Variants in IARS1 observed in about 807,000 individuals in gnomAD.
IARS1 encodes the protein isoleucine--tRNA ligase, cytoplasmic.
IARS1 carries 124 observed loss-of-function variants against 168.2 expected under a neutral mutation model. That is an observed-to-expected ratio of 0.74 (90% CI 0.64 to 0.86). The LOEUF is 0.86. Ranked by LOEUF, IARS1 falls within the 40% of genes least tolerant of loss-of-function variation. The pLI, the probability that IARS1 is intolerant of heterozygous loss-of-function variation, is 0.00. For synonymous variants in IARS1, 532 were observed against 529.4 expected (o/e 1.00, Z -0.07); for missense variants, 1,452 against 1,515.8 (o/e 0.96, Z 0.70).
Position 92,242,330 on chromosome 9 carries a change from A to G in IARS1, c.3001T>C (p.Cys1001Arg). ...ATTTCATCAGTTGGAACCAGATTGC[A>G]CTGAAAACACACACAGAAAAATTTA... is the stretch of plus-strand genomic sequence containing the variant. ...INRIQKLRKK[C>R]NLVPTDEITV... The change falls in exon 29 of 34, where the codon TGC becomes CGC. Residue 1001 changes from cysteine to arginine, a missense_variant and splice_region_variant. By Grantham distance (180) the Cys-to-Arg change is radical (BLOSUM62 -3). Transcript: ENST00000443024. The G allele has an allele frequency of 6.2e-7, 1 of 1,608,264 alleles. No homozygotes were observed. Among genetic ancestry groups the G allele is most frequent in the Non-Finnish European group, 8.5e-7 (1 of 1,177,854 alleles).
chr9:92,251,323 T>C (rs1829984536), intron 22 of IARS1, among the ~76,000 whole-genome samples: 1 of 152,230 alleles, frequency 6.6e-6, no homozygotes, highest in Non-Finnish European at 1.5e-5. Flanking sequence ...AGAATTAAAG[T>C]TGGAGCCGTT....
chr9:92,222,671 C>G lies in IARS1; in HGVS notation c.3555G>C (p.Glu1185Asp), dbSNP rs1436551484. The G allele has an allele frequency of 9.9e-6, 16 of 1,613,704 alleles. No homozygotes were observed. Among genetic ancestry groups the G allele is most frequent in the Non-Finnish European group, 1.4e-5 (16 of 1,179,898 alleles). ...GAGTGCCCACTGTCCCCATTAAACA[C>G]TCTGTGGAAGACAGAACAAACTGGA... ...NLQLLNAKPQ[E>D]CLMGTVGTLL... The change falls in exon 33 of 34, where the codon GAG becomes GAC. Residue 1185 changes from glutamate to aspartate, a missense_variant and splice_region_variant. Glu to Asp is a conservative substitution (Grantham distance 45). Coordinates refer to ENST00000443024, the MANE Select transcript of IARS1 (RefSeq NM_002161.6).
At chr9:92,235,642 C>T (rs1827393817) in intron 30 of IARS1, among the ~76,000 whole-genome samples, 1 of 151,054 alleles carries the variant, frequency 6.6e-6, no homozygotes, top group Non-Finnish European at 1.5e-5. Flanking sequence ...CTCAATAATC[C>T]TACTCTCCTG....
Position 92,247,415 on chromosome 9 carries a change from T to G in IARS1, c.2753A>C (p.Gln918Pro). The G allele has an allele frequency of 6.2e-7, 1 of 1,614,178 alleles. No individual in the cohort carries two copies. Among genetic ancestry groups the G allele is most frequent in the Non-Finnish European group, 8.5e-7 (1 of 1,180,036 alleles). The change falls in exon 26 of 34, where the codon CAG (glutamine) becomes CCG (proline). Residue 918 changes from glutamine to proline, a missense_variant. Gln to Pro is a moderately conservative substitution (Grantham distance 76, BLOSUM62 -1). Coordinates refer to ENST00000443024, the MANE Select transcript of IARS1 (RefSeq NM_002161.6). The part of the protein sequence containing the change: ...AFKAVMTSIK[Q>P]LSSEELEQFQ... ...CTGCTCCAGCTCCTCACTGCTCAAC[T>G]GCTTGATGGACGTCATCACTGCCTT...
chr9:92,262,840 T>A, intron 17 of IARS1, 129 bp downstream of exon 17: 1 of 681,912 alleles, frequency 1.5e-6, no homozygotes, highest in Non-Finnish European at 2.7e-6. Flanking sequence ...TGTCACACAC[T>A]CCTTCTTGAG....
In IARS1 at chr9:92,262,999, T is replaced by G. The variant is rs764868449; in HGVS notation, c.1757A>C (p.Asn586Thr). Residue 586 changes from asparagine (N) to threonine (T), a missense_variant, in exon 17 of 34, where the codon AAC (asparagine) becomes ACC (threonine). Physicochemically the swap from Asn to Thr is moderately conservative, Grantham distance 65. Coordinates refer to ENST00000443024, the MANE Select transcript of IARS1 (RefSeq NM_002161.6). The stretch of plus-strand genomic sequence containing the variant: ...CAGGACAAGCCCATTCACAATTACG[T>G]TCTTGAAAGGCGGTTGTCCAAAGAG... Reference protein sequence around the residue: ...TALFGQPPFKNVIVNGLVLAS... With the variant: ...TALFGQPPFKTVIVNGLVLAS... The G allele has an allele frequency of 1.2e-6, 2 of 1,614,050 alleles. No individual in the cohort carries two copies. The highest frequency in any genetic ancestry group is 2.2e-5 in the South Asian group (2 of 91,078).
chr9:92,285,705 C>A lies in IARS1; in HGVS notation c.597+17G>T. 6.9e-7 allele frequency: 1 copy of A among 1,454,938 alleles called. No homozygotes were observed. Among genetic ancestry groups the A allele is most frequent in the South Asian group, 1.1e-5 (1 of 87,808 alleles). The allele number at this position is 1,454,938 out of a possible 1,614,324, so 90.1% of individuals were successfully genotyped here. On this transcript the variant is annotated intron_variant, in intron 6 of 33. Transcript: ENST00000443024. ...TACAAAACTCAATGCTGAATAATGT[C>A]TCTACATTTCACGTACCTTATAATT...
At chr9:92,231,642 G>A (rs1826722276) in intron 30 of IARS1, among the ~76,000 whole-genome samples, 1 of 150,206 alleles carries the variant, frequency 6.7e-6, no homozygotes, top group Admixed American at 6.6e-5. Context: ...TAGTCAGGCT[G>A]GTCTTGAACT....
rs780545325 is a variant in IARS1, at chr9:92,210,800, G to A, written c.*7C>T. The A allele has an allele frequency of 6.3e-7, 1 of 1,579,458 alleles. No homozygotes were observed. The highest frequency in any genetic ancestry group is 1.1e-5 in the South Asian group (1 of 90,374). ...AGGGCTGACCGAACAACATTGATAA[G>A]TACATGCTAGAAGTCTGCTGTTGTT... On this transcript the variant is annotated 3_prime_UTR_variant, in exon 34 of 34. Coordinates refer to ENST00000443024, the MANE Select transcript of IARS1 (RefSeq NM_002161.6).
Position 92,268,230 on chromosome 9 carries a change from T to G in IARS1, c.1375A>C (p.Arg459=). The change falls in exon 14 of 34, where the codon AGA becomes CGA. Residue 459 remains arginine (R), a synonymous_variant. Coordinates refer to ENST00000443024, the MANE Select transcript of IARS1 (RefSeq NM_002161.6). ...ATGGGGGTGCCCCAGTATCTGTTTC[T>G]GGAAATTGTCCAGTCACGTGCATCT... The part of the protein sequence containing the change: ...LKDARDWTIS[R]NRYWGTPIPL... 1 of 1,612,140 alleles carries G rather than the reference T, an allele frequency of 6.2e-7. No homozygotes were observed. The highest frequency in any genetic ancestry group is 1.1e-5 in the South Asian group (1 of 90,578).
At chr9:92,250,075 A>G (rs1394101801) in intron 24 of IARS1, 112 bp downstream of exon 24, 7 of 847,492 alleles carry the variant, frequency 8.3e-6, no homozygotes, top group Non-Finnish European at 1.4e-5. Flanking sequence ...TCACACCCTC[A>G]CTGCAGAAAA....
At chr9:92,232,923 T>A (rs1276165315) in intron 30 of IARS1, among the ~76,000 whole-genome samples, 1 of 152,234 alleles carries the variant, frequency 6.6e-6, no homozygotes. Context: ...TTCAGTGACC[T>A]GCAATCCTAT....
chr9:92,252,764 C>CAAAAAAAAAAAAAAAAAAA lies in IARS1; in HGVS notation c.2229+579_2229+597dup, dbSNP rs34983021. ...GGGTGACAAGAGTGAAACTCCTTCT[C>CAAAAAAAAAAAAAAAAAAA]AAAAAAAAAAAAAAAAAAAAAAAAA... On this transcript the variant is annotated intron_variant, in intron 21 of 33. Coordinates refer to ENST00000443024, the MANE Select transcript of IARS1 (RefSeq NM_002161.6). Among the ~76,000 whole-genome samples, 3 of 27,236 alleles carry CAAAAAAAAAAAAAAAAAAA rather than the reference C, an allele frequency of 1.1e-4. 1 individual carries two copies. Among genetic ancestry groups the CAAAAAAAAAAAAAAAAAAA allele is most frequent in the African/African-American group, 2.9e-4 (2 of 6,880 alleles). The allele number at this position is 27,236 out of a possible 152,430, so 17.9% of individuals were successfully genotyped here. A position where few individuals can be genotyped will look rare whatever the true frequency, so the allele number is the denominator to read the frequency against.
At position 92,215,647 on chromosome 9, in the gene IARS1, C is replaced by T. The variant is rs867839166; in HGVS notation, c.3707-4758G>A. On this transcript the variant is annotated intron_variant, in intron 33 of 33. Coordinates refer to ENST00000443024, the MANE Select transcript of IARS1 (RefSeq NM_002161.6). ...AATGCAGAAGCCTCAGGAGCCGATG[C>T]GATCAACTGGAAGAAAGAATATCAG... Among the ~76,000 whole-genome samples the T allele has an allele frequency of 1.2e-3, 187 of 151,898 alleles. 1 individual carries two copies. The highest frequency in any genetic ancestry group is 6.8e-3 in the Middle Eastern group (2 of 294).
At chr9:92,230,388 C>T (rs1204566819) in intron 30 of IARS1, among the ~76,000 whole-genome samples, 3 of 152,178 alleles carry the variant, frequency 2.0e-5, no homozygotes, top group African/African-American at 4.8e-5. Context: ...GCTGGGATTA[C>T]AGGCATGAGC....
At chr9:92,259,091 G>A in intron 18 of IARS1, 93 bp from the exon 19 acceptor site, 1 of 1,174,038 alleles carries the variant, frequency 8.5e-7, no homozygotes, top group South Asian at 1.7e-5. Context: ...ATGAAAATCA[G>A]TCCTATTTTC....
intron 6 of IARS1, among the ~76,000 whole-genome samples, chr9:92,281,256 C>T (rs576377716): frequency 7.2e-5 from 11 of 151,844 alleles, no homozygotes; most frequent in African/African-American, 2.7e-4. Context: ...GCCTCAGCCT[C>T]CCGAGTAGCT....
Position 92,219,476 on chromosome 9 carries a change from C to G in IARS1, c.3706+3044G>C, listed in dbSNP as rs1027615260. On this transcript the variant is annotated intron_variant, in intron 33 of 33. Coordinates refer to ENST00000443024, the MANE Select transcript of IARS1 (RefSeq NM_002161.6). The stretch of plus-strand genomic sequence containing the variant: ...CAAAAGAAACTACCATCAGAGTGAA[C>G]AGGCAACCTACAGAATGGGAGAAAA... Among the ~76,000 whole-genome samples the G allele has an allele frequency of 1.1e-4, 16 of 149,222 alleles. No individual in the cohort carries two copies. The East Asian group carries it at 1.6e-3, about 15-fold the overall frequency.
chr9:92,271,209 AACTTT>A (rs1331557712), intron 11 of IARS1, 133 bp from the exon 12 acceptor site: 3 of 607,570 alleles, frequency 4.9e-6, no homozygotes, highest in Non-Finnish European at 8.2e-6. Context: ...TTTAGTCACT[AACTTT>A]AAGTAATTTT....
Sources: allele counts gnomAD v4.1 joint callset (sites outside exome capture counted in the v4.1 genomes callset), GRCh38; gene constraint gnomAD v4.1.1; transcripts MANE v1.5; gene names NCBI Gene and HGNC (gene_info 2026-07-23, HGNC 2026-07-21).